Variants in STIL observed in about 807,000 individuals in gnomAD.
STIL encodes the protein STIL centriolar assembly protein.
A neutral mutation model predicts 110.1 loss-of-function variants in STIL; 55 were observed. That is an observed-to-expected ratio of 0.50 (90% CI 0.40 to 0.63). STIL has a LOEUF of 0.63. STIL is among the 20% of genes least tolerant of loss of function. The probability of loss-of-function intolerance (pLI) is 0.00; values close to 1 mark genes in which losing one functional copy is unlikely to be tolerated. For synonymous variants in STIL, 481 were observed against 530.0 expected, an observed-to-expected ratio of 0.91 and a Z score of 1.27; for missense variants, 1,358 against 1,530.0, an observed-to-expected ratio of 0.89 and a Z score of 1.87.
chr1:47,305,085 A>G (rs1645915630), intron 2 of STIL, 89 bp from the exon 3 acceptor site: 1 of 884,380 alleles, frequency 1.1e-6, no homozygotes, highest in Non-Finnish European at 1.9e-6. Flanking sequence ...CTTTAAGGTG[A>G]TGGTATTTTC....
Position 47,280,560 on chromosome 1 carries a change from T to G in STIL, c.1898A>C (p.Gln633Pro). The change falls in exon 12 of 17, where the codon CAG becomes CCG. Residue 633 changes from glutamine to proline, a missense_variant. By Grantham distance (76) the Gln-to-Pro change is moderately conservative. Coordinates refer to ENST00000371877, the MANE Select transcript of STIL (RefSeq NM_001048166.1). ...TGAATGCTTTTGAAGGGCTTCAGAC[T>G]GGACATCTTGAATGGATCCAACTGT... is the stretch of plus-strand genomic sequence containing the variant. ...ANTVGSIQDV[Q>P]SEALQKHSLF... 6.2e-7 allele frequency: 1 copy of G among 1,614,274 alleles called. No individual in the cohort carries two copies. The highest frequency in any genetic ancestry group is 8.5e-7 in the Non-Finnish European group (1 of 1,180,056).
chr1:47,311,095 C>A lies in STIL; in HGVS notation c.-43-733G>T, dbSNP rs149391630. Among the ~76,000 whole-genome samples, 887 of 152,122 alleles carry A rather than the reference C, an allele frequency of 5.8e-3. 25 individuals are homozygous for A. The highest frequency in any genetic ancestry group is 0.041 in the Admixed American group (632 of 15,258). ...TCTCTTGACCTCGTGATCCGCCCAC[C>A]TTGGCCTCCCAAAGTGCTAGGATTA... On this transcript the variant is annotated intron_variant, in intron 1 of 16. Coordinates refer to ENST00000371877, the MANE Select transcript of STIL (RefSeq NM_001048166.1).
At position 47,281,171 on chromosome 1, in the gene STIL, A is replaced by G. The variant is rs746510802; in HGVS notation, c.1287T>C (p.Leu429=). 6.8e-6 allele frequency: 11 copies of G among 1,613,604 alleles called. No individual in the cohort carries two copies. The highest frequency in any genetic ancestry group is 9.3e-6 in the Non-Finnish European group (11 of 1,179,926). ...ATTCTATGAAATTGCCATCCAACAC[A>G]AGTGAAAGTTCAGGAACTGATGGTT... The part of the protein sequence containing the change: ...KIQPSVPELS[L]VLDGNFIESN... Residue 429 remains leucine (L), a synonymous_variant, in exon 12 of 17, where the codon CTT becomes CTC. Coordinates refer to ENST00000371877, the MANE Select transcript of STIL (RefSeq NM_001048166.1).
At chr1:47,302,866 T>C (rs897513258) in intron 3 of STIL, among the ~76,000 whole-genome samples, 2 of 152,142 alleles carry the variant, frequency 1.3e-5, no homozygotes, top group Non-Finnish European at 2.9e-5. Flanking sequence ...AGTAGCATAA[T>C]TTTAACAGTA....
chr1:47,255,299 T>C (rs1202889442), intron 16 of STIL, among the ~76,000 whole-genome samples: 1 of 152,196 alleles, frequency 6.6e-6, no homozygotes, highest in Non-Finnish European at 1.5e-5. Flanking sequence ...TGAAAGTCCA[T>C]GAATAAATTT....
At chr1:47,285,968 G>A (rs768663398) in intron 10 of STIL, among the ~76,000 whole-genome samples, 5 of 151,784 alleles carry the variant, frequency 3.3e-5, no homozygotes, top group Non-Finnish European at 7.4e-5. Context: ...TCTGCCTCCC[G>A]GGTTCAAGCG....
intron 6 of STIL, among the ~76,000 whole-genome samples, chr1:47,299,400 CTT>C (rs540612576): frequency 7.1e-5 from 10 of 140,382 alleles, no homozygotes; most frequent in East Asian, 2.1e-4. Flanking sequence ...TCAGTTTTGT[CTT>C]TTTTTTTTTT....
At chr1:47,286,672 C>T (rs561081396) in intron 10 of STIL, among the ~76,000 whole-genome samples, 16 of 151,330 alleles carry the variant, frequency 1.1e-4, no homozygotes, top group South Asian at 4.2e-4. Flanking sequence ...CCAGCCTGGG[C>T]GACAGAGCGA....
chr1:47,282,518 T>A, intron 10 of STIL, 59 bp from the exon 11 acceptor site: 1 of 1,034,698 alleles, frequency 9.7e-7, no homozygotes, highest in Non-Finnish European at 1.5e-6. Context: ...TTCTTTCTTC[T>A]AGAAATTGAA....
chr1:47,273,676 G>A (rs1644905490), intron 12 of STIL, among the ~76,000 whole-genome samples: 2 of 152,122 alleles, frequency 1.3e-5, no homozygotes, highest in Non-Finnish European at 2.9e-5. Flanking sequence ...ACAGCTTTTT[G>A]TGTGGACATA....
chr1:47,251,998 T>C (rs1357607946), intron 16 of STIL, 76 bp from the exon 17 acceptor site: 8 of 1,446,906 alleles, frequency 5.5e-6, no homozygotes, highest in Middle Eastern at 3.6e-4. Flanking sequence ...TTCCATTCTA[T>C]ACAAGCAACA....
chr1:47,275,055 G>A (rs547609115), intron 12 of STIL, among the ~76,000 whole-genome samples: 1 of 152,026 alleles, frequency 6.6e-6, no homozygotes, highest in Admixed American at 6.6e-5. Context: ...AGGTGATAAA[G>A]GCAGGAGAAT....
intron 14 of STIL, 28 bp from the exon 15 acceptor site, chr1:47,263,144 A>G: frequency 6.3e-7 from 1 of 1,591,328 alleles, no homozygotes; most frequent in South Asian, 1.1e-5. Flanking sequence ...TGTGTTAGTC[A>G]TTGAGGTACC....
chr1:47,273,532 T>C (rs1023532228), intron 12 of STIL, among the ~76,000 whole-genome samples: 3 of 152,276 alleles, frequency 2.0e-5, no homozygotes, highest in African/African-American at 7.2e-5. Flanking sequence ...ACTAATACTT[T>C]ATTGCTTCTG....
At chr1:47,253,096 C>T (rs1644233398) in intron 16 of STIL, among the ~76,000 whole-genome samples, 1 of 152,150 alleles carries the variant, frequency 6.6e-6, no homozygotes, top group South Asian at 2.1e-4. Context: ...GGATTACAGG[C>T]GTGAGCCACT....
chr1:47,270,247 TATATATATACACACAC>T (rs1211837286), intron 13 of STIL, among the ~76,000 whole-genome samples: 1,002 of 97,818 alleles, frequency 0.01, 15 homozygotes, highest in African/African-American at 0.042. Flanking sequence ...AAAAAATATA[TATATATATACACACAC>T]ACACACACAC....
chr1:47,305,718 G>A (rs975352723), intron 2 of STIL, among the ~76,000 whole-genome samples: 17 of 121,376 alleles, frequency 1.4e-4, no homozygotes, highest in East Asian at 1.0e-3. Flanking sequence ...GAGCCACCAC[G>A]CCTGGCCTTT....
At chr1:47,282,189 T>C (rs555549333) in intron 11 of STIL, among the ~76,000 whole-genome samples, 156 bp downstream of exon 11, 61 of 152,178 alleles carry the variant, frequency 4.0e-4, no homozygotes, top group African/African-American at 1.4e-3. Flanking sequence ...GTGAAATACT[T>C]ATATCTCTAT....
At chr1:47,265,237 C>CAAAA (rs61666574) in intron 14 of STIL, among the ~76,000 whole-genome samples, 7,124 of 51,164 alleles carry the variant, frequency 0.14, 1,129 homozygotes, top group Middle Eastern at 0.29. Context: ...CTCCATCTCC[C>CAAAA]AAAAAAAAAA....
Sources: allele counts gnomAD v4.1 joint callset (sites outside exome capture counted in the v4.1 genomes callset), GRCh38; gene constraint gnomAD v4.1.1; transcripts MANE v1.5; gene names NCBI Gene and HGNC (gene_info 2026-07-23, HGNC 2026-07-21).